The following DEPDC1B variants were observed in gnomAD, a reference collection of about 807,000 sequenced individuals.
DEPDC1B encodes the protein DEP domain containing 1B.
DEPDC1B carries 51 observed loss-of-function variants against 66.5 expected under a neutral mutation model. That is an observed-to-expected ratio of 0.77 (90% confidence interval 0.61 to 0.97). The LOEUF (loss-of-function observed/expected upper bound fraction) is 0.97, where lower values mean the gene tolerates loss of function less well. Ranked by LOEUF, DEPDC1B falls within the 50% of genes least tolerant of loss-of-function variation. DEPDC1B has a pLI of 0.00. For missense variants in DEPDC1B, 552 were observed against 637.1 expected (o/e 0.87, Z 1.44); for synonymous variants, 226 against 223.6 (o/e 1.01, Z -0.10).
At chr5:60,668,177 G>C (rs1342677709) in intron 2 of DEPDC1B, among the ~76,000 whole-genome samples, 492 of 6,908 alleles carry the variant, frequency 0.071, 71 homozygotes, top group Admixed American at 0.16. Flanking sequence ...ATATAAAATG[G>C]ATATTTTATA....
At chr5:60,662,590 C>G (rs142907135) in intron 2 of DEPDC1B, among the ~76,000 whole-genome samples, 26 of 152,292 alleles carry the variant, frequency 1.7e-4, no homozygotes, top group African/African-American at 5.8e-4. Context: ...AAAGGTTGAG[C>G]AAATCGAATG....
rs753927078 is a variant in DEPDC1B at position 60,597,925 on chromosome 5, G to C, written c.1429-11C>G. Reference sequence around the variant, plus strand: ...ATAGGATTTCTGAAACTAAAAAAATGAATGGTCCAAGAAGAGTAAAAAAAG... The same window carrying C: ...ATAGGATTTCTGAAACTAAAAAAATCAATGGTCCAAGAAGAGTAAAAAAAG... On this transcript the variant is annotated splice_polypyrimidine_tract_variant and intron_variant, in intron 10 of 10. Coordinates refer to ENST00000265036, the MANE Select transcript of DEPDC1B (RefSeq NM_018369.3). 18 of 1,590,170 alleles carry C rather than the reference G, an allele frequency of 1.1e-5. No homozygotes were observed. Among genetic ancestry groups the C allele is most frequent in the Non-Finnish European group, 1.4e-5 (16 of 1,173,968 alleles).
chr5:60,607,091 C>A (rs1385240955), intron 7 of DEPDC1B, among the ~76,000 whole-genome samples: 1 of 152,112 alleles, frequency 6.6e-6, no homozygotes, highest in African/African-American at 2.4e-5. Context: ...AAATAAGTGA[C>A]AAATGAAAAG....
intron 9 of DEPDC1B, among the ~76,000 whole-genome samples, chr5:60,600,652 T>A (rs1271518372): frequency 6.6e-6 from 1 of 152,216 alleles, no homozygotes; most frequent in Non-Finnish European, 1.5e-5. Context: ...AATGAATCAC[T>A]ACTGATTTTA....
chr5:60,618,270 C>G (rs1318293340), intron 7 of DEPDC1B, among the ~76,000 whole-genome samples: 1 of 151,998 alleles, frequency 6.6e-6, no homozygotes, highest in Non-Finnish European at 1.5e-5. Context: ...CAACAGAAGG[C>G]AAGAAATAAC....
intron 2 of DEPDC1B, among the ~76,000 whole-genome samples, chr5:60,674,863 G>A (rs116033676): frequency 6.6e-6 from 1 of 152,128 alleles, no homozygotes; most frequent in Non-Finnish European, 1.5e-5. Flanking sequence ...TGGGGGTGGC[G>A]GATAAGACAA....
chr5:60,642,885 C>A, intron 5 of DEPDC1B, 26 bp from the exon 6 acceptor site: 2 of 1,587,104 alleles, frequency 1.3e-6, no homozygotes, highest in South Asian at 2.2e-5. Flanking sequence ...AATTTGTACT[C>A]AATTCCATAT....
chr5:60,661,873 T>G (rs1753723316), intron 2 of DEPDC1B, among the ~76,000 whole-genome samples: 1 of 152,118 alleles, frequency 6.6e-6, no homozygotes, highest in African/African-American at 2.4e-5. Flanking sequence ...CTGCAGACAT[T>G]TACTAACTTG....
chr5:60,660,585 G>C (rs1753691058), intron 2 of DEPDC1B, among the ~76,000 whole-genome samples: 1 of 152,134 alleles, frequency 6.6e-6, no homozygotes, highest in African/African-American at 2.4e-5. Flanking sequence ...ATCTGTAGCA[G>C]CAACTGCTTT....
intron 2 of DEPDC1B, among the ~76,000 whole-genome samples, chr5:60,664,943 CA>C (rs1753804258): frequency 6.6e-6 from 1 of 152,016 alleles, no homozygotes; most frequent in South Asian, 2.1e-4. Flanking sequence ...ATTGGCTGTA[CA>C]AAAACCTAAA....
At chr5:60,655,301 G>A (rs1327108427) in intron 2 of DEPDC1B, among the ~76,000 whole-genome samples, 9 of 148,114 alleles carry the variant, frequency 6.1e-5, no homozygotes, top group African/African-American at 1.8e-4. Flanking sequence ...TTTGAATCTC[G>A]CTGCTTGCTA....
intron 2 of DEPDC1B, among the ~76,000 whole-genome samples, chr5:60,649,278 T>C (rs1444482817): frequency 6.6e-6 from 1 of 152,220 alleles, no homozygotes; most frequent in African/African-American, 2.4e-5. Context: ...ATGCTTCTTA[T>C]ATTCCCATAA....
chr5:60,676,450 C>G (rs190255868), intron 2 of DEPDC1B, among the ~76,000 whole-genome samples: 1 of 152,084 alleles, frequency 6.6e-6, no homozygotes. Flanking sequence ...AGACTACAGG[C>G]GCATGGCACT....
intron 2 of DEPDC1B, among the ~76,000 whole-genome samples, chr5:60,679,365 G>A (rs1292211563): frequency 1.3e-5 from 2 of 152,126 alleles, no homozygotes; most frequent in Admixed American, 6.5e-5. Flanking sequence ...AACTGTGAAA[G>A]TAACATTATT....
At position 60,638,908 on chromosome 5, in the gene DEPDC1B, G is replaced by A; in HGVS notation, c.758-18C>T. The A allele has an allele frequency of 1.2e-6, 2 of 1,606,508 alleles. No individual in the cohort carries two copies. The highest frequency in any genetic ancestry group is 1.7e-6 in the Non-Finnish European group (2 of 1,177,870). Reference sequence around the variant, plus strand: ...GTTGGGCCCTATTTTCAAAAAGAGAGTGAAAGAGAAACATTAATGGAGTAA... The same window carrying A: ...GTTGGGCCCTATTTTCAAAAAGAGAATGAAAGAGAAACATTAATGGAGTAA... On this transcript the variant is annotated intron_variant, in intron 6 of 10. Transcript: ENST00000265036.
intron 2 of DEPDC1B, among the ~76,000 whole-genome samples, chr5:60,660,883 C>A (rs1340982385): frequency 6.6e-6 from 1 of 152,192 alleles, no homozygotes; most frequent in African/African-American, 2.4e-5. Context: ...CAGATGGTTC[C>A]TCCCAGGTGA....
intron 2 of DEPDC1B, among the ~76,000 whole-genome samples, chr5:60,677,143 A>G (rs1284731235): frequency 6.6e-6 from 1 of 152,184 alleles, no homozygotes; most frequent in Non-Finnish European, 1.5e-5. Context: ...GAGATAGAAA[A>G]AACTTGATGA....
Position 60,612,881 on chromosome 5 carries a change from T to G in DEPDC1B, c.899-7025A>C, listed in dbSNP as rs74424711. Among the ~76,000 whole-genome samples the G allele has an allele frequency of 8.6e-3, 1,315 of 152,274 alleles. 16 individuals carry two copies. The highest frequency in any genetic ancestry group is 0.03 in the African/African-American group (1,245 of 41,548). ...AATACTCTAAGGATGTCAATCATAT[T>G]GTTCTGGTTTCCATCATTGCCACAA... On this transcript the variant is annotated intron_variant, in intron 7 of 10. Transcript: ENST00000265036.
At chr5:60,692,430 T>G (rs1409583681) in intron 1 of DEPDC1B, among the ~76,000 whole-genome samples, 1 of 152,154 alleles carries the variant, frequency 6.6e-6, no homozygotes, top group East Asian at 1.9e-4. Context: ...TTGTACCCTA[T>G]GAATATATAC....
Sources: gnomAD v4.1 joint callset for allele counts (sites outside exome capture counted in the v4.1 genomes callset) on GRCh38, gnomAD v4.1.1 for gene constraint, MANE v1.5 for transcripts, NCBI Gene and HGNC (gene_info 2026-07-23, HGNC 2026-07-21) for gene names.